The following WDR89 variants were observed in gnomAD, a reference collection of about 807,000 sequenced individuals.
The protein encoded by WDR89 is WD repeat-containing protein 89.
In WDR89, 17 loss-of-function variants were observed where a neutral mutation model predicts 29.1. The ratio of observed to expected loss-of-function variants is 0.58; its 90% CI spans 0.40 to 0.88. The LOEUF (loss-of-function observed/expected upper bound fraction) is 0.88. Among genes scored for constraint, WDR89 ranks in the 40% least tolerant of loss-of-function variants. The pLI is 0.00. For missense variants in WDR89, 396 were observed against 456.3 expected, an observed-to-expected ratio of 0.87 and a Z score of 1.20; for synonymous variants, 138 against 157.8, an observed-to-expected ratio of 0.87 and a Z score of 0.94.
intron 2 of WDR89, among the ~76,000 whole-genome samples, chr14:63,623,703 CAAAAAAAAAAA>C (rs34839479): frequency 1.5e-4 from 6 of 39,090 alleles, no homozygotes; most frequent in South Asian, 1.5e-3. Context: ...GACTCTGTCT[CAAAAAAAAAAA>C]AAAAAAAAAA....
At chr14:63,630,825 G>A (rs1357531344) in intron 1 of WDR89, 2 of 146,092 alleles carry the variant, frequency 1.4e-5, no homozygotes, top group African/African-American at 2.5e-5. Flanking sequence ...ACACAGTCTT[G>A]CACTGTTGTC....
In WDR89 at chr14:63,618,827, G is replaced by A. The variant is rs187057810; in HGVS notation, c.-32+6101C>T. Among the ~76,000 whole-genome samples the A allele has an allele frequency of 1.4e-3, 210 of 152,266 alleles. 4 individuals are homozygous for A. The East Asian group carries it at 0.031, about 23-fold the overall frequency. The stretch of plus-strand genomic sequence containing the variant: ...TTCTACAAGTGTCCACGGAGAAAAG[G>A]GGTCTCATAAAAAATCTGAAGAATC... On this transcript the variant is annotated intron_variant, in intron 2 of 2. Transcript: ENST00000620954.
chr14:63,630,205 C>T (rs1378716155), intron 1 of WDR89, among the ~76,000 whole-genome samples: 1 of 151,524 alleles, frequency 6.6e-6, no homozygotes, highest in East Asian at 2.0e-4. Context: ...GCCTCGGCCT[C>T]CCAAAGTGCT....
rs189221376 is a variant in WDR89, at chr14:63,607,415, C to T, written c.-31-7442G>A. ...CCTGACCTCGTGATCTGTCCGCCTC[C>T]GCCTCTCAAAGTGCTGGGATTACAG... is the stretch of plus-strand genomic sequence containing the variant. On this transcript the variant is annotated intron_variant, in intron 2 of 2. Transcript: ENST00000620954. Among the ~76,000 whole-genome samples the T allele has an allele frequency of 4.5e-3, 691 of 152,044 alleles. 4 individuals carry two copies. The highest frequency in any genetic ancestry group is 0.016 in the African/African-American group (648 of 41,484).
At chr14:63,616,941 G>A (rs1042634383) in intron 2 of WDR89, among the ~76,000 whole-genome samples, 1 of 151,878 alleles carries the variant, frequency 6.6e-6, no homozygotes, top group Non-Finnish European at 1.5e-5. Context: ...AGAATTTTCT[G>A]GTAAAACTGC....
At position 63,597,063 on chromosome 14, in the gene WDR89, T is replaced by C. The variant is rs1854129797; in HGVS notation, c.*1716A>G. 1 of 152,240 alleles carries C rather than the reference T, an allele frequency of 6.6e-6. No individual in the cohort carries two copies. The highest frequency in any genetic ancestry group is 2.4e-5 in the African/African-American group (1 of 41,460). The allele number at this position is 152,240 out of a possible 1,614,324, so 9.4% of individuals were successfully genotyped here. A position where few individuals can be genotyped will look rare whatever the true frequency, so the allele number is the denominator to read the frequency against. ...GTAATTTATAAAGGAAAGTGTTTAA[T>C]TGACTGAAGAGTTCAGCATGGCCAG... On this transcript the variant is annotated 3_prime_UTR_variant, in exon 3 of 3. Transcript: ENST00000620954.
chr14:63,602,494 T>C (rs1895116398), intron 2 of WDR89, among the ~76,000 whole-genome samples: 1 of 142,320 alleles, frequency 7.0e-6, no homozygotes, highest in African/African-American at 2.7e-5. Flanking sequence ...AAAAGATGGC[T>C]GGACATGGTA....
At chr14:63,613,836 T>C (rs568286646) in intron 2 of WDR89, among the ~76,000 whole-genome samples, 2 of 150,792 alleles carry the variant, frequency 1.3e-5, no homozygotes, top group Admixed American at 1.3e-4. Flanking sequence ...TTTTTTTTTT[T>C]TTTTTTTAAT....
intron 1 of WDR89, among the ~76,000 whole-genome samples, chr14:63,633,607 C>T (rs190898716): frequency 6.6e-6 from 1 of 152,216 alleles, no homozygotes; most frequent in East Asian, 1.9e-4. Context: ...CAAAACACAT[C>T]CCTAAATGTA....
chr14:63,624,487 A>T (rs1475857107), intron 2 of WDR89, among the ~76,000 whole-genome samples: 1 of 148,222 alleles, frequency 6.7e-6, no homozygotes, highest in East Asian at 1.9e-4. Flanking sequence ...AACCACAACA[A>T]AACAAAAAAC....
chr14:63,627,150 A>ACACT lies in WDR89; in HGVS notation c.-137-2118_-137-2117insAGTG, dbSNP rs1433982075. 4.2e-3 allele frequency among the ~76,000 whole-genome samples: 537 copies of ACACT among 127,260 alleles called. 7 individuals are homozygous for ACACT. The highest frequency in any genetic ancestry group is 0.036 in the East Asian group (162 of 4,442). 83.5% of individuals were successfully genotyped at this position (127,260 alleles called of 152,430 possible). ...CACACACACACACACACACACACAC[A>ACACT]CTCTCTCTCTCTCTCTCTCTCTCTC... is the stretch of plus-strand genomic sequence containing the variant. On this transcript the variant is annotated intron_variant, in intron 1 of 2. Transcript: ENST00000620954.
chr14:63,640,323 C>G (rs1408423383), intron 1 of WDR89, among the ~76,000 whole-genome samples: 1 of 152,104 alleles, frequency 6.6e-6, no homozygotes, highest in Non-Finnish European at 1.5e-5. Context: ...CCTCAGAACT[C>G]TAAGTAGTCA....
Position 63,599,973 on chromosome 14 carries a change from T to A in WDR89, c.-31A>T. 7.2e-7 allele frequency: 1 copy of A among 1,396,304 alleles called. No individual in the cohort carries two copies. Among genetic ancestry groups the A allele is most frequent in the Non-Finnish European group, 9.4e-7 (1 of 1,062,062 alleles). The allele number at this position is 1,396,304 out of a possible 1,614,324, so 86.5% of individuals were successfully genotyped here. On this transcript the variant is annotated splice_region_variant and 5_prime_UTR_variant, in exon 3 of 3. Transcript: ENST00000620954. ...CAGCAGCATCCAAGGGTAGTAAAAC[T>A]CTGTAAAAAATAATAATAATAAAAA...
intron 2 of WDR89, among the ~76,000 whole-genome samples, chr14:63,616,235 G>A (rs1482802858): frequency 2.6e-5 from 4 of 152,086 alleles, no homozygotes; most frequent in African/African-American, 9.7e-5. Context: ...CTGCACTCCC[G>A]CCTGGGTGAC....
intron 1 of WDR89, among the ~76,000 whole-genome samples, chr14:63,633,157 A>G (rs111255599): frequency 6.6e-6 from 1 of 152,074 alleles, no homozygotes; most frequent in Non-Finnish European, 1.5e-5. Flanking sequence ...AAGAAATGCA[A>G]TATGTAATGT....
intron 2 of WDR89, among the ~76,000 whole-genome samples, chr14:63,603,458 T>TTGCCTA: frequency 6.6e-6 from 1 of 152,252 alleles, no homozygotes; most frequent in Non-Finnish European, 1.5e-5. Context: ...GTTCAGGATC[T>TTGCCTA]ATTAATTGTC....
chr14:63,598,907 A>G lies in WDR89; in HGVS notation c.1036T>C (p.Leu346=), dbSNP rs1040212891. The G allele has an allele frequency of 5.0e-6, 8 of 1,614,180 alleles. No individual in the cohort carries two copies. Among genetic ancestry groups the G allele is most frequent in the Non-Finnish European group, 5.9e-6 (7 of 1,180,020 alleles). ...LLTGGEDAQL[L]LWKPGAIEKT... ...TCTATAGCTCCAGGTTTCCAAAGTA[A>G]CAACTGTGCATCTTCTCCTCCAGTC... The change falls in exon 3 of 3, where the codon TTA becomes CTA. Residue 346 remains leucine (L), a synonymous_variant. Coordinates refer to ENST00000620954, the MANE Select transcript of WDR89 (RefSeq NM_080666.4).
In WDR89 at chr14:63,598,661, G is replaced by GA. The variant is rs1894896288; in HGVS notation, c.*117dup. On this transcript the variant is annotated 3_prime_UTR_variant, in exon 3 of 3. Transcript: ENST00000620954. Reference sequence around the variant, plus strand: ...AACCATTCTCACCATATTTTTCCAGGACTGTTTGCTAACTGGCTTGTTTTT... The same window carrying GA: ...AACCATTCTCACCATATTTTTCCAGGAACTGTTTGCTAACTGGCTTGTTTTT... 2 of 896,882 alleles carry GA rather than the reference G, an allele frequency of 2.2e-6. No homozygotes were observed. Among genetic ancestry groups the GA allele is most frequent in the African/African-American group, 3.4e-5 (2 of 58,682 alleles). 55.6% of individuals were successfully genotyped at this position (896,882 alleles called of 1,614,324 possible).
At chr14:63,610,764 G>A (rs1361795106) in intron 2 of WDR89, among the ~76,000 whole-genome samples, 3 of 146,608 alleles carry the variant, frequency 2.0e-5, no homozygotes, top group Non-Finnish European at 4.5e-5. Context: ...GTGCAGTGGT[G>A]CAATCTCGGC....
Sources: allele counts gnomAD v4.1 joint callset (sites outside exome capture counted in the v4.1 genomes callset), GRCh38; gene constraint gnomAD v4.1.1; transcripts MANE v1.5; gene names NCBI Gene and HGNC (gene_info 2026-07-23, HGNC 2026-07-21).